DAPK2: variants seen among roughly 807,000 people sequenced by gnomAD.
DAPK2 encodes death associated protein kinase 2.
In DAPK2, 35 loss-of-function variants were observed where a neutral mutation model predicts 44.1. That is an observed-to-expected ratio of 0.79 (90% CI 0.61 to 1.05). The LOEUF (loss-of-function observed/expected upper bound fraction) is 1.05, where lower values mean the gene tolerates loss of function less well. Ranked by LOEUF, DAPK2 falls within the 50% of genes least tolerant of loss-of-function variation. DAPK2 has a pLI of 0.00. For missense variants in DAPK2, 453 were observed against 483.2 expected, an observed-to-expected ratio of 0.94 and a Z score of 0.59; for synonymous variants, 174 against 182.6, an observed-to-expected ratio of 0.95 and a Z score of 0.38.
chr15:63,991,066 A>T (rs1474329373), intron 1 of DAPK2, among the ~76,000 whole-genome samples: 2 of 152,196 alleles, frequency 1.3e-5, no homozygotes, highest in Non-Finnish European at 2.9e-5. Context: ...AACAAGACGC[A>T]GAAAACACTT....
At chr15:63,915,897 C>T (rs1183343237) in intron 8 of DAPK2, among the ~76,000 whole-genome samples, 1 of 152,208 alleles carries the variant, frequency 6.6e-6, no homozygotes, top group Non-Finnish European at 1.5e-5. Flanking sequence ...GAAAATTCTG[C>T]AGCAAAATTG....
chr15:63,962,692 G>T (rs1278059240), intron 3 of DAPK2, among the ~76,000 whole-genome samples: 1 of 152,210 alleles, frequency 6.6e-6, no homozygotes, highest in African/African-American at 2.4e-5. Context: ...AGATGTTGCT[G>T]CCTGATCCCT....
chr15:63,929,092 C>T (rs1348701379), intron 6 of DAPK2, among the ~76,000 whole-genome samples: 2 of 151,530 alleles, frequency 1.3e-5, no homozygotes, highest in African/African-American at 2.4e-5. Flanking sequence ...CCCGGTTACT[C>T]GGGAGGCTGA....
chr15:63,973,012 G>A (rs376250939), intron 2 of DAPK2, among the ~76,000 whole-genome samples: 3 of 152,202 alleles, frequency 2.0e-5, no homozygotes, highest in Admixed American at 6.5e-5. Context: ...TTCAGAGATC[G>A]TGGGGGTGAA....
intron 3 of DAPK2, among the ~76,000 whole-genome samples, chr15:63,945,228 T>TGA (rs1401345648): frequency 1.3e-5 from 2 of 152,180 alleles, no homozygotes; most frequent in African/African-American, 4.8e-5. Flanking sequence ...TCCGTGTTGA[T>TGA]GACGCTGGCC....
chr15:63,997,528 A>C (rs1196365812), intron 1 of DAPK2, among the ~76,000 whole-genome samples: 2 of 152,104 alleles, frequency 1.3e-5, no homozygotes, highest in African/African-American at 4.8e-5. Flanking sequence ...ATGCGGTTTC[A>C]CAATGTTGGC....
At chr15:63,936,614 T>C (rs565512140) in intron 4 of DAPK2, among the ~76,000 whole-genome samples, 197 of 150,828 alleles carry the variant, frequency 1.3e-3, no homozygotes, top group Non-Finnish European at 2.2e-3. Flanking sequence ...TCTCAATAAA[T>C]AAATAAAAAT....
At chr15:63,985,808 G>A (rs756965754) in intron 1 of DAPK2, among the ~76,000 whole-genome samples, 5 of 152,182 alleles carry the variant, frequency 3.3e-5, no homozygotes, top group Non-Finnish European at 5.9e-5. Flanking sequence ...CCTCTTATGA[G>A]GGAAACAGTG....
intron 1 of DAPK2, among the ~76,000 whole-genome samples, chr15:64,007,128 G>GA (rs140535848): frequency 0.041 from 6,128 of 151,152 alleles, 416 homozygotes; most frequent in African/African-American, 0.14. Context: ...CTAGCTAATT[G>GA]AAAAAAAAAT....
intron 3 of DAPK2, among the ~76,000 whole-genome samples, chr15:63,952,010 C>T (rs894599599): frequency 6.6e-6 from 1 of 152,106 alleles, no homozygotes; most frequent in African/African-American, 2.4e-5. Context: ...TAGGCTGAGG[C>T]GGGCGGATCA....
chr15:63,999,415 C>T lies in DAPK2; in HGVS notation c.93-15661G>A, dbSNP rs59013071. Among the ~76,000 whole-genome samples, 7 of 152,204 alleles carry T rather than the reference C, an allele frequency of 4.6e-5. No homozygotes were observed. In the East Asian group the frequency reaches 1.4e-3, roughly 29 times the overall value. On this transcript the variant is annotated intron_variant, in intron 1 of 10. Coordinates refer to ENST00000261891, the Ensembl canonical transcript of DAPK2. The stretch of plus-strand genomic sequence containing the variant: ...CACAGGGGAGAGGAAGATCATCTCC[C>T]CTCCCATCTCATAACTAAGGAAACA...
chr15:63,998,412 G>C (rs895573650), intron 1 of DAPK2, among the ~76,000 whole-genome samples: 1 of 152,130 alleles, frequency 6.6e-6, no homozygotes, highest in African/African-American at 2.4e-5. Flanking sequence ...ATATATTAGG[G>C]CCCAGGAGAG....
intron 1 of DAPK2, among the ~76,000 whole-genome samples, chr15:64,016,184 C>T (rs1413769123): frequency 6.6e-6 from 1 of 152,224 alleles, no homozygotes; most frequent in Non-Finnish European, 1.5e-5. Context: ...CAGCAGGACA[C>T]ACGGCCTCTT....
At chr15:63,945,479 A>G (rs1377723687) in intron 3 of DAPK2, among the ~76,000 whole-genome samples, 1 of 152,146 alleles carries the variant, frequency 6.6e-6, no homozygotes, top group East Asian at 1.9e-4. Context: ...CATTCCTCCT[A>G]TAGGGCTGTG....
intron 1 of DAPK2, among the ~76,000 whole-genome samples, chr15:64,015,043 G>C (rs1351254260): frequency 2.0e-5 from 3 of 152,194 alleles, no homozygotes; most frequent in Non-Finnish European, 4.4e-5. Flanking sequence ...GAGGTGGGCA[G>C]GGAATGATGG....
intron 1 of DAPK2, among the ~76,000 whole-genome samples, chr15:63,993,681 G>C (rs779521593): frequency 1.3e-5 from 2 of 151,974 alleles, no homozygotes; most frequent in African/African-American, 2.4e-5. Flanking sequence ...TACATATCAC[G>C]GGCAAAGTAC....
intron 1 of DAPK2, among the ~76,000 whole-genome samples, chr15:64,006,975 A>T (rs1206578092): frequency 6.6e-6 from 1 of 152,172 alleles, no homozygotes; most frequent in South Asian, 2.1e-4. Flanking sequence ...CTTAACTCGG[A>T]AAAACCTGCA....
At chr15:64,028,396 G>C (rs191063508) in intron 1 of DAPK2, among the ~76,000 whole-genome samples, 20 of 152,236 alleles carry the variant, frequency 1.3e-4, no homozygotes, top group African/African-American at 4.8e-4. Flanking sequence ...CTTCAAAAAT[G>C]TTAGTGTCAT....
intron 1 of DAPK2, among the ~76,000 whole-genome samples, chr15:64,001,694 T>C (rs2079088903): frequency 6.6e-6 from 1 of 152,226 alleles, no homozygotes; most frequent in South Asian, 2.1e-4. Context: ...CCAGCGGCAT[T>C]GACTCCACCT....
Sources: allele counts gnomAD v4.1 joint callset (sites outside exome capture counted in the v4.1 genomes callset), GRCh38; gene constraint gnomAD v4.1.1; transcripts MANE v1.5; gene names NCBI Gene and HGNC (gene_info 2026-07-23, HGNC 2026-07-21).